The following KIF7 variants were observed in gnomAD, a reference collection of about 807,000 sequenced individuals.
The protein encoded by KIF7 is kinesin-like protein KIF7.
KIF7 carries 104 observed loss-of-function variants against 135.7 expected under a neutral mutation model. The ratio of observed to expected loss-of-function variants is 0.77; its 90% CI spans 0.65 to 0.90. The LOEUF is 0.90. KIF7 is among the 40% of genes least tolerant of loss of function. The pLI is 0.00. For missense variants in KIF7, 2,005 were observed against 1,839.1 expected, an observed-to-expected ratio of 1.09 and a Z score of -1.65; for synonymous variants, 883 against 809.4, an observed-to-expected ratio of 1.09 and a Z score of -1.54.
chr15:89,621,529 G>C, intron 1 of KIF7: 3 of 1,613,140 alleles, frequency 1.9e-6, no homozygotes, highest in Non-Finnish European at 1.7e-6. Context: ...CTTTGGATTC[G>C]GAGGTACCTG....
intron 1 of KIF7, among the ~76,000 whole-genome samples, chr15:89,654,870 C>G (rs1434100355): frequency 3.3e-5 from 5 of 152,258 alleles, no homozygotes; most frequent in Non-Finnish European, 7.3e-5. Flanking sequence ...ATTGGGCTCC[C>G]GACCCTGGGC....
Position 89,652,985 on chromosome 15 carries a change from A to G in KIF7, c.-24-31T>C. The G allele has an allele frequency of 2.8e-6, 4 of 1,434,176 alleles. No homozygotes were observed. The Admixed American group carries it at 9.5e-5, about 34-fold the overall frequency. The allele number at this position is 1,434,176 out of a possible 1,614,324, so 88.8% of individuals were successfully genotyped here. A position where few individuals can be genotyped will look rare whatever the true frequency, so the allele number is the denominator to read the frequency against. ...GAGAGAGAGAGAAGCCCTGGCCATC[A>G]GCACTTGTACTCCAGGAGCTGGACT... On this transcript the variant is annotated intron_variant, in intron 1 of 18. Coordinates refer to ENST00000394412, the MANE Select transcript of KIF7 (RefSeq NM_198525.3).
chr15:89,647,554 C>T (rs1964037081), intron 6 of KIF7, 42 bp downstream of exon 6: 1 of 1,541,576 alleles, frequency 6.5e-7, no homozygotes, highest in East Asian at 2.2e-5. Context: ...CCTTCATCCT[C>T]CTCTGGGAAG....
exon 2 of KIF7, chr15:89,618,178 G>T (rs1310785043): frequency 1.2e-6 from 2 of 1,614,046 alleles, no homozygotes; most frequent in African/African-American, 2.7e-5. Flanking sequence ...CCTGATATTG[G>T]TGTTGTTGAA....
rs1310326259 is a variant in KIF7, at chr15:89,649,344, C to T, written c.553G>A (p.Asp185Asn). The T allele has an allele frequency of 3.4e-6, 5 of 1,466,322 alleles. No homozygotes were observed. Among genetic ancestry groups the T allele is most frequent in the Non-Finnish European group, 9.1e-7 (1 of 1,104,334 alleles). The allele number at this position is 1,466,322 out of a possible 1,614,324, so 90.8% of individuals were successfully genotyped here. Residue 185 changes from aspartate to asparagine, a missense_variant, in exon 4 of 19, where the codon GAC becomes AAC. Coordinates refer to ENST00000394412, the MANE Select transcript of KIF7 (RefSeq NM_198525.3). ...AGCACCTCATCCAGGCCCTCCACGT[C>T]GACCTCCTTCACCCCGCACAGCACT... is the stretch of plus-strand genomic sequence containing the variant. The part of the protein sequence containing the change: ...NVVLCGVKEV[D>N]VEGLDEVLSL...
chr15:89,633,719 C>T lies in KIF7; in HGVS notation c.2559G>A (p.Glu853=). 2.5e-6 allele frequency: 4 copies of T among 1,608,556 alleles called. No individual in the cohort carries two copies. Among genetic ancestry groups the T allele is most frequent in the South Asian group, 2.2e-5 (2 of 91,038 alleles). The change falls in exon 12 of 19, where the codon GAG becomes GAA. Residue 853 remains glutamate (E), a synonymous_variant. Coordinates refer to ENST00000394412, the MANE Select transcript of KIF7 (RefSeq NM_198525.3). ...REETEQKRRL[E]AEMSKRQHRV... ...GGTGCTGCCGCTTGCTCATTTCTGC[C>T]TCCAGGCGCCGCTTCTGCTCCGTCT...
chr15:89,636,543 A>C (rs1421629718), intron 11 of KIF7, among the ~76,000 whole-genome samples: 3 of 90,500 alleles, frequency 3.3e-5, no homozygotes, highest in Non-Finnish European at 6.9e-5. Context: ...TCTCTGATAA[A>C]ACAGACTTTA....
Position 89,649,062 on chromosome 15 carries a change from G to A in KIF7, c.835C>T (p.Leu279Phe), listed in dbSNP as rs762568380. The change falls in exon 4 of 19, where the codon CTC becomes TTC. Residue 279 changes from leucine to phenylalanine, a missense_variant. Physicochemically the swap from Leu to Phe is conservative, Grantham distance 22 (BLOSUM62 0). Coordinates refer to ENST00000394412, the MANE Select transcript of KIF7 (RefSeq NM_198525.3). ...LKESIQINSS[L>F]LALGNVISAL... ...CTGATGACGTTGCCCAGCGCCAGGAGGCTGCTGTTGATCTGGATGCTCTCC... is the reference window on the plus strand; with the variant it reads ...CTGATGACGTTGCCCAGCGCCAGGAAGCTGCTGTTGATCTGGATGCTCTCC... 2 of 1,548,114 alleles carry A rather than the reference G, an allele frequency of 1.3e-6. No individual in the cohort carries two copies. Among genetic ancestry groups the A allele is most frequent in the African/African-American group, 1.4e-5 (1 of 73,028 alleles).
At chr15:89,639,107 G>A (rs1349597110) in intron 11 of KIF7, among the ~76,000 whole-genome samples, 2 of 151,948 alleles carry the variant, frequency 1.3e-5, no homozygotes, top group Non-Finnish European at 2.9e-5. Context: ...GCTGAAACTG[G>A]ATCCCTTCCT....
At chr15:89,637,497 G>A (rs1428653642) in intron 11 of KIF7, among the ~76,000 whole-genome samples, 46 of 152,146 alleles carry the variant, frequency 3.0e-4, no homozygotes, top group East Asian at 2.9e-3. Flanking sequence ...TATCACCACC[G>A]ATCCCACAGA....
intron 2 of KIF7, among the ~76,000 whole-genome samples, chr15:89,651,174 A>G (rs896123033): frequency 6.6e-6 from 1 of 152,072 alleles, no homozygotes; most frequent in Admixed American, 6.6e-5. Context: ...ATCTCGGCTC[A>G]CTGCAACCTC....
chr15:89,633,372 G>T, intron 12 of KIF7, 106 bp from the exon 13 acceptor site: 1 of 1,431,920 alleles, frequency 7.0e-7, no homozygotes, highest in Non-Finnish European at 9.5e-7. Flanking sequence ...TCCCAAGAGG[G>T]CCCTGCGAAG....
chr15:89,648,928 C>G (rs916122126), intron 4 of KIF7, 46 bp downstream of exon 4: 13 of 1,489,292 alleles, frequency 8.7e-6, no homozygotes, highest in African/African-American at 2.8e-5. Flanking sequence ...GGACACTCCC[C>G]GCCTCCCCGG....
chr15:89,662,131 C>T, the KIF7 span, among the ~76,000 whole-genome samples: 8 of 152,172 alleles, frequency 5.3e-5, no homozygotes, highest in African/African-American at 1.9e-4. Context: ...ACAATGAGCA[C>T]TGAAGCACAA....
chr15:89,638,524 T>C (rs1460230625), intron 11 of KIF7, among the ~76,000 whole-genome samples: 1 of 151,210 alleles, frequency 6.6e-6, no homozygotes, highest in Non-Finnish European at 1.5e-5. Context: ...AGCCAAATCA[T>C]GAGTGGACTC....
Position 89,628,620 on chromosome 15 carries a change from C to T in KIF7, c.3831G>A (p.Trp1277Ter). The part of the protein sequence containing the change: ...DLVHAPLPLT[W>*]KRSSLCGEEQ... ...CCTCACCACACAGGCTCGAGCGTTT[C>T]CAGGTCAAGGGTAACGGAGCGTGGA... The change falls in exon 19 of 19, where the codon TGG becomes TGA. Residue 1277 changes from tryptophan to a stop codon, truncating the protein, a stop_gained. Transcript: ENST00000394412. LOFTEE classifies it low-confidence loss of function (END_TRUNC). The T allele has an allele frequency of 6.2e-7, 1 of 1,613,396 alleles. No homozygotes were observed. Among genetic ancestry groups the T allele is most frequent in the Non-Finnish European group, 8.5e-7 (1 of 1,180,018 alleles).
chr15:89,645,849 C>T (rs1271408268), intron 8 of KIF7, 44 bp downstream of exon 8: 2 of 1,605,272 alleles, frequency 1.2e-6, no homozygotes, highest in East Asian at 4.5e-5. Flanking sequence ...AGCCCTGGGC[C>T]CTGAGCAGGT....
At chr15:89,626,603 G>A (rs1400990410), downstream of KIF7, among the ~76,000 whole-genome samples, 2 of 152,124 alleles carry the variant, frequency 1.3e-5, no homozygotes, top group Non-Finnish European at 2.9e-5. Context: ...TGCAGGAGGA[G>A]GGGGCCTTTG....
chr15:89,622,601 A>G (rs1031269700), intron 1 of KIF7, among the ~76,000 whole-genome samples: 2 of 150,032 alleles, frequency 1.3e-5, no homozygotes, highest in Non-Finnish European at 3.0e-5. Context: ...AGAGCTCTGG[A>G]GAAGGGTCTG....
Sources: gnomAD v4.1 joint callset for allele counts (sites outside exome capture counted in the v4.1 genomes callset) on GRCh38, gnomAD v4.1.1 for gene constraint, MANE v1.5 for transcripts, NCBI Gene and HGNC (gene_info 2026-07-23, HGNC 2026-07-21) for gene names.